Variants in AFDN observed in about 807,000 individuals in gnomAD.
AFDN encodes afadin.
AFDN carries 68 observed loss-of-function variants against 216.6 expected under a neutral mutation model. The ratio of observed to expected loss-of-function variants is 0.31; its 90% CI spans 0.26 to 0.38. AFDN has a LOEUF of 0.38. Ranked by LOEUF, AFDN falls within the 10% of genes least tolerant of loss-of-function variation. The pLI is 1.00. For synonymous variants in AFDN, 868 were observed against 853.7 expected, an observed-to-expected ratio of 1.02 and a Z score of -0.29; for missense variants, 2,136 against 2,342.0, an observed-to-expected ratio of 0.91 and a Z score of 1.82.
Position 167,970,511 on chromosome 6 carries a change from C to T in AFDN, c.*576C>T, listed in dbSNP as rs1797954281. 1 of 217,922 alleles carries T rather than the reference C, an allele frequency of 4.6e-6. No homozygotes were observed. The highest frequency in any genetic ancestry group is 9.2e-6 in the Non-Finnish European group (1 of 108,410). The allele number at this position is 217,922 out of a possible 1,614,324, so 13.5% of individuals were successfully genotyped here. On this transcript the variant is annotated 3_prime_UTR_variant, in exon 34 of 34. Coordinates refer to ENST00000683244, the MANE Select transcript of AFDN (RefSeq NM_001386888.1). ...CCTTCTAGTCTGCATCGTGAAGTGG[C>T]TTAGGCCAAAGCTTCCTGTGTGATG...
chr6:167,902,308 T>C lies in AFDN; in HGVS notation c.1581-9T>C. The C allele has an allele frequency of 1.2e-6, 2 of 1,605,260 alleles. No homozygotes were observed. The highest frequency in any genetic ancestry group is 2.2e-5 in the South Asian group (2 of 90,792). ...TTAAGTCAGTGTGTTTCTTGTTTTA[T>C]CCCATCAGAATTGTTCAGGAGACAA... On this transcript the variant is annotated splice_polypyrimidine_tract_variant and intron_variant, in intron 11 of 33. Coordinates refer to ENST00000683244, the MANE Select transcript of AFDN (RefSeq NM_001386888.1).
chr6:167,874,379 A>T (rs142090699), intron 4 of AFDN, among the ~76,000 whole-genome samples: 1 of 152,284 alleles, frequency 6.6e-6, no homozygotes, highest in African/African-American at 2.4e-5. Flanking sequence ...ATTTTTTATG[A>T]TGAAAAATTG....
At chr6:167,892,590 A>G (rs1270134285) in intron 8 of AFDN, among the ~76,000 whole-genome samples, 1 of 152,188 alleles carries the variant, frequency 6.6e-6, no homozygotes, top group African/African-American at 2.4e-5. Flanking sequence ...TGGACAGTTT[A>G]TTTTGGTAGA....
chr6:167,925,386 C>T (rs1474375473), intron 23 of AFDN, among the ~76,000 whole-genome samples: 2 of 152,174 alleles, frequency 1.3e-5, no homozygotes, highest in Non-Finnish European at 2.9e-5. Context: ...ACTTGATTCG[C>T]ACAGTGAGGA....
chr6:167,901,524 G>T (rs539932897), intron 11 of AFDN, among the ~76,000 whole-genome samples: 21 of 152,230 alleles, frequency 1.4e-4, no homozygotes, highest in African/African-American at 4.6e-4. Context: ...GATAATTTTT[G>T]ATTTGCATGC....
chr6:167,905,086 T>C (rs569293466), intron 12 of AFDN, among the ~76,000 whole-genome samples: 1 of 152,312 alleles, frequency 6.6e-6, no homozygotes, highest in African/African-American at 2.4e-5. Context: ...TTGTCTTTGC[T>C]TTTCACACTC....
At position 167,951,267 on chromosome 6, in the gene AFDN, C is replaced by T. The variant is rs1038346080; in HGVS notation, c.3913C>T (p.Arg1305Ter). The T allele has an allele frequency of 6.2e-7, 1 of 1,613,380 alleles. No homozygotes were observed. Among genetic ancestry groups the T allele is most frequent in the Non-Finnish European group, 8.5e-7 (1 of 1,179,758 alleles). The change falls in exon 30 of 34, where the codon CGA (arginine) becomes TGA (stop). Residue 1305 changes from arginine (R) to a stop codon, truncating the protein, a stop_gained. Transcript: ENST00000683244. LOFTEE classifies it high-confidence loss of function. This position sits in a 1 kb window ranked among gnomAD's most constrained non-coding sequence, Gnocchi z 7.1. ...ERHRIEAAMD[R>*]KSDSDMWINQ... ...GCATCGAATAGAGGCAGCTATGGAC[C>T]GAAAGTCTGATAGTGATATGTGGAT... is the stretch of plus-strand genomic sequence containing the variant.
chr6:167,827,330 C>T (rs1779221476), intron 1 of AFDN, 93 bp downstream of exon 1: 1 of 255,144 alleles, frequency 3.9e-6, no homozygotes, highest in Non-Finnish European at 5.0e-6. Flanking sequence ...GCCGCGGACC[C>T]GCCCTCCTTT....
chr6:167,888,635 G>T (rs1037057806), intron 6 of AFDN, among the ~76,000 whole-genome samples: 1 of 152,140 alleles, frequency 6.6e-6, no homozygotes, highest in African/African-American at 2.4e-5. Context: ...TGAATTAGGA[G>T]TTCAATGAAT....
chr6:167,964,262 A>C (rs1163813579), intron 31 of AFDN: 2 of 1,063,974 alleles, frequency 1.9e-6, no homozygotes, highest in Non-Finnish European at 2.3e-6. Flanking sequence ...TGTGCCATTC[A>C]TTTGTTGGGT....
At chr6:167,919,717 A>G (rs1791542230) in intron 21 of AFDN, among the ~76,000 whole-genome samples, 1 of 152,266 alleles carries the variant, frequency 6.6e-6, no homozygotes, top group Admixed American at 6.5e-5. Context: ...GTACTGATCA[A>G]AAACACCACA....
rs143876705 is a variant in AFDN at position 167,906,676 on chromosome 6, C to T, written c.1651-495C>T. Among the ~76,000 whole-genome samples, 353 of 152,026 alleles carry T rather than the reference C, an allele frequency of 2.3e-3. 4 individuals carry two copies. Among genetic ancestry groups the T allele is most frequent in the African/African-American group, 7.5e-3 (312 of 41,440 alleles). On this transcript the variant is annotated intron_variant, in intron 12 of 33. Transcript: ENST00000683244. ...GTTACCATATAATATGTGTTTTCCC[C>T]GGTGTTGATTAAGGGCAAGAAAGAA...
At chr6:167,900,699 A>G (rs1318740297) in intron 11 of AFDN, among the ~76,000 whole-genome samples, 1 of 152,170 alleles carries the variant, frequency 6.6e-6, no homozygotes, top group Non-Finnish European at 1.5e-5. Flanking sequence ...CTCACATACT[A>G]CCCACAAGAG....
intron 6 of AFDN, among the ~76,000 whole-genome samples, chr6:167,888,431 C>G (rs722193): frequency 0.13 from 20,246 of 152,108 alleles, 1,520 homozygotes; most frequent in Non-Finnish European, 0.16. Flanking sequence ...TTCTTATTCT[C>G]TCTAATCCTG....
intron 30 of AFDN, among the ~76,000 whole-genome samples, chr6:167,961,688 T>C (rs1024935834): frequency 6.6e-6 from 1 of 152,198 alleles, no homozygotes; most frequent in Non-Finnish European, 1.5e-5. Context: ...TCTTGACTAG[T>C]GTTACCTGAA....
At chr6:167,913,643 A>G (rs1790686847) in intron 16 of AFDN, 1 of 552,150 alleles carries the variant, frequency 1.8e-6, no homozygotes, top group Non-Finnish European at 3.2e-6. Context: ...TGAAATGACA[A>G]AAGTTCTGTT....
intron 1 of AFDN, among the ~76,000 whole-genome samples, chr6:167,844,557 A>C (rs1325951089): frequency 6.6e-6 from 1 of 152,140 alleles, no homozygotes; most frequent in Non-Finnish European, 1.5e-5. Flanking sequence ...TGCTATGAAC[A>C]TTTTTATACA....
chr6:167,869,255 T>C (rs1396757066), intron 2 of AFDN, among the ~76,000 whole-genome samples: 3 of 152,132 alleles, frequency 2.0e-5, no homozygotes, highest in Non-Finnish European at 4.4e-5. Context: ...AATTTTACTT[T>C]CCTTACTCAA....
At chr6:167,872,442 A>T (rs2128254793) in intron 4 of AFDN, 65 bp downstream of exon 4, 1 of 1,508,612 alleles carries the variant, frequency 6.6e-7, no homozygotes, top group Non-Finnish European at 9.0e-7. Flanking sequence ...TGTTGCACCA[A>T]AATTGTTAAA....
Sources: gnomAD v4.1 joint callset for allele counts (sites outside exome capture counted in the v4.1 genomes callset) on GRCh38, gnomAD v4.1.1 for gene constraint, Gnocchi (gnomAD v3.1) non-coding constraint, MANE v1.5 for transcripts, NCBI Gene and HGNC (gene_info 2026-07-23, HGNC 2026-07-21) for gene names.